UGGT2: variants seen among roughly 807,000 people sequenced by gnomAD.
UGGT2 encodes the protein UDP-glucose glycoprotein glucosyltransferase 2.
UGGT2 carries 180 observed loss-of-function variants against 192.1 expected under a neutral mutation model. The ratio of observed to expected loss-of-function variants is 0.94; its 90% CI spans 0.83 to 1.06. UGGT2 has a LOEUF of 1.06. Ranked by LOEUF, UGGT2 falls within the 50% of genes least tolerant of loss-of-function variation. The pLI is 0.00. For missense variants in UGGT2, 1,849 were observed against 1,795.7 expected, an observed-to-expected ratio of 1.03 and a Z score of -0.54; for synonymous variants, 580 against 591.0, an observed-to-expected ratio of 0.98 and a Z score of 0.27.
chr13:95,851,408 G>A (rs530867418), intron 36 of UGGT2, among the ~76,000 whole-genome samples: 3 of 152,200 alleles, frequency 2.0e-5, no homozygotes, highest in African/African-American at 4.8e-5. Flanking sequence ...CAAGACTGCC[G>A]CTAGAGATGG....
At chr13:96,053,035 AGCGGGG>A (rs757947994) in intron 1 of UGGT2, 114 bp downstream of exon 1, 52 of 1,327,734 alleles carry the variant, frequency 3.9e-5, no homozygotes, top group Non-Finnish European at 5.0e-5. Context: ...TCAGGGCCAG[AGCGGGG>A]GCGTCTGGAG....
At chr13:95,904,170 T>A (rs1263679034) in intron 20 of UGGT2, among the ~76,000 whole-genome samples, 1 of 152,162 alleles carries the variant, frequency 6.6e-6, no homozygotes, top group African/African-American at 2.4e-5. Context: ...TGTGTTATAA[T>A]GGGAAGCAGT....
chr13:95,832,858 G>A (rs902757722), intron 38 of UGGT2, 69 bp downstream of exon 38: 1 of 1,573,420 alleles, frequency 6.4e-7, no homozygotes, highest in African/African-American at 1.4e-5. Context: ...TAAGAAATGA[G>A]TCTGTAGTCT....
intron 36 of UGGT2, among the ~76,000 whole-genome samples, chr13:95,843,119 T>C (rs1888036326): frequency 6.6e-6 from 1 of 152,226 alleles, no homozygotes; most frequent in Non-Finnish European, 1.5e-5. Flanking sequence ...CTTTTATTTC[T>C]CTTGGGTAAA....
At chr13:95,917,180 A>G (rs2140379039) in intron 20 of UGGT2, among the ~76,000 whole-genome samples, 1 of 152,344 alleles carries the variant, frequency 6.6e-6, no homozygotes, top group East Asian at 1.9e-4. Flanking sequence ...AGGGAAGCCC[A>G]TCAGACTAAC....
chr13:95,853,415 T>C, intron 36 of UGGT2, 128 bp downstream of exon 36: 1 of 615,900 alleles, frequency 1.6e-6, no homozygotes, highest in Non-Finnish European at 2.7e-6. Context: ...AAATATCCAA[T>C]AGATAATTAC....
At chr13:95,886,037 T>TAGAG (rs373755387) in intron 26 of UGGT2, among the ~76,000 whole-genome samples, 15 of 152,134 alleles carry the variant, frequency 9.9e-5, no homozygotes, top group African/African-American at 3.1e-4. Context: ...AAAGCTAGTA[T>TAGAG]AGAGATTAAA....
chr13:95,802,935 A>G (rs1004779714), intron 38 of UGGT2, among the ~76,000 whole-genome samples: 4 of 151,164 alleles, frequency 2.6e-5, no homozygotes, highest in East Asian at 2.0e-4. Flanking sequence ...CTGGGTTCAC[A>G]CCATTCTCCT....
chr13:95,805,078 G>A (rs760667882), intron 38 of UGGT2, among the ~76,000 whole-genome samples: 1 of 151,732 alleles, frequency 6.6e-6, no homozygotes, highest in Non-Finnish European at 1.5e-5. Flanking sequence ...AAGAAACCCT[G>A]CAACTCAAAA....
At position 95,867,375 on chromosome 13, in the gene UGGT2, T is replaced by C. The variant is rs1890764616; in HGVS notation, c.3522A>G (p.Val1174=). The part of the protein sequence containing the change: ...SQADLEDIIV[V]LNSFKSKILK... ...GTATCTTGCTTTTGAAGCTGTTTAA[T>C]ACAACAATGATATCTTCTAGGTCTG... Residue 1174 remains valine (V), a synonymous_variant, in exon 30 of 39, where the codon GTA becomes GTG. Coordinates refer to ENST00000376747, the MANE Select transcript of UGGT2 (RefSeq NM_020121.4). 1.9e-6 allele frequency: 3 copies of C among 1,609,424 alleles called. No individual in the cohort carries two copies. Among genetic ancestry groups the C allele is most frequent in the Non-Finnish European group, 2.5e-6 (3 of 1,178,296 alleles).
chr13:96,052,644 G>C (rs1404549117), intron 1 of UGGT2, among the ~76,000 whole-genome samples: 2 of 152,158 alleles, frequency 1.3e-5, no homozygotes, highest in Non-Finnish European at 2.9e-5. Context: ...GAATACTAAA[G>C]GGCAAAATGC....
chr13:95,882,461 C>G (rs956409468), intron 27 of UGGT2, among the ~76,000 whole-genome samples: 6 of 152,120 alleles, frequency 3.9e-5, no homozygotes, highest in African/African-American at 1.4e-4. Flanking sequence ...TCCCCTTTAT[C>G]TAAAAATCCT....
At chr13:95,995,752 G>A (rs2051598224) in intron 7 of UGGT2, among the ~76,000 whole-genome samples, 1 of 152,150 alleles carries the variant, frequency 6.6e-6, no homozygotes, top group African/African-American at 2.4e-5. Context: ...AATATGTTGT[G>A]TATGCATTTA....
At chr13:95,930,910 G>A (rs2049234120) in intron 17 of UGGT2, among the ~76,000 whole-genome samples, 1 of 152,170 alleles carries the variant, frequency 6.6e-6, no homozygotes, top group Non-Finnish European at 1.5e-5. Context: ...GCTCTCAAAG[G>A]CAGCACGGAC....
intron 20 of UGGT2, among the ~76,000 whole-genome samples, chr13:95,924,336 G>A (rs1052075860): frequency 7.5e-6 from 1 of 133,904 alleles, no homozygotes; most frequent in African/African-American, 2.7e-5. Context: ...AACCGCTTGA[G>A]AAGAAACAGC....
chr13:95,917,021 A>G lies in UGGT2; in HGVS notation c.2295+8659T>C, dbSNP rs536795012. ...TTCCCCAATCTAGCAGGAAAAGACA[A>G]CATTTAAATTCAGGAAATGTGGAGA... is the stretch of plus-strand genomic sequence containing the variant. On this transcript the variant is annotated intron_variant, in intron 20 of 38. Transcript: ENST00000376747. Among the ~76,000 whole-genome samples the G allele has an allele frequency of 6.4e-4, 98 of 152,276 alleles. No homozygotes were observed. In the South Asian group the frequency reaches 8.5e-3, roughly 13 times the overall value.
intron 29 of UGGT2, chr13:95,876,987 A>T (rs1298812800): frequency 2.4e-5 from 5 of 210,210 alleles, no homozygotes; most frequent in Non-Finnish European, 4.6e-5. Flanking sequence ...AGATTCAAGC[A>T]ATTCTTGGGC....
intron 20 of UGGT2, among the ~76,000 whole-genome samples, chr13:95,911,401 A>G (rs1420561203): frequency 2.0e-5 from 3 of 152,226 alleles, no homozygotes; most frequent in Non-Finnish European, 4.4e-5. Flanking sequence ...GATAAATGGG[A>G]TATCACCACT....
chr13:96,002,901 C>T (rs1015561222), intron 5 of UGGT2, among the ~76,000 whole-genome samples: 1 of 152,162 alleles, frequency 6.6e-6, no homozygotes, highest in Non-Finnish European at 1.5e-5. Flanking sequence ...GCCAGTAAAG[C>T]CAAGCTCTGT....
Sources: allele counts gnomAD v4.1 joint callset (sites outside exome capture counted in the v4.1 genomes callset), GRCh38; gene constraint gnomAD v4.1.1; transcripts MANE v1.5; gene names NCBI Gene and HGNC (gene_info 2026-07-23, HGNC 2026-07-21).